The following TRPV3 variants were observed in gnomAD, a reference collection of about 807,000 sequenced individuals.
TRPV3 encodes the protein transient receptor potential cation channel subfamily V member 3.
TRPV3 carries 88 observed loss-of-function variants against 87.1 expected under a neutral mutation model. That is an observed-to-expected ratio of 1.01 (90% CI 0.85 to 1.21). The LOEUF (loss-of-function observed/expected upper bound fraction) is 1.21, where lower values mean the gene tolerates loss of function less well. Among genes scored for constraint, TRPV3 ranks in the 50% most tolerant of loss-of-function variants. The probability of loss-of-function intolerance (pLI) is 0.00; values close to 1 mark genes in which losing one functional copy is unlikely to be tolerated. For missense variants in TRPV3, 1,054 were observed against 1,030.1 expected (o/e 1.02, Z -0.32); for synonymous variants, 438 against 423.3 (o/e 1.03, Z -0.43).
intron 2 of TRPV3, among the ~76,000 whole-genome samples, chr17:3,550,469 G>A (rs996474659): frequency 1.3e-5 from 2 of 151,494 alleles, no homozygotes; most frequent in African/African-American, 2.4e-5. Flanking sequence ...TGGGCTACCC[G>A]GCTGCTTGCT....
Position 3,543,612 on chromosome 17 carries a change from C to T in TRPV3, c.328G>A (p.Glu110Lys). ...PNSPSAQLAK[E>K]EQRRKKRRLK... ...CGCCTCTTTTTCCTCCTCTGCTCTT[C>T]CTTGGCCAGCTGTGCACTGAAGCCA... Residue 110 changes from glutamate (E) to lysine (K), a missense_variant, in exon 5 of 18, where the codon GAA (glutamate) becomes AAA (lysine). Transcript: ENST00000576742. 1.2e-6 allele frequency: 2 copies of T among 1,614,136 alleles called. No individual in the cohort carries two copies. Among genetic ancestry groups the T allele is most frequent in the South Asian group, 2.2e-5 (2 of 91,088 alleles).
chr17:3,525,983 C>G (rs1292461708), intron 12 of TRPV3, among the ~76,000 whole-genome samples: 1 of 152,140 alleles, frequency 6.6e-6, no homozygotes, highest in Admixed American at 6.5e-5. Context: ...CCTACACAGT[C>G]ACATGCAGAC....
Position 3,532,703 on chromosome 17 carries a change from T to C in TRPV3, c.1019A>G (p.Asp340Gly), listed in dbSNP as rs756068775. 3.1e-6 allele frequency: 5 copies of C among 1,614,100 alleles called. No homozygotes were observed. The South Asian group carries it at 4.4e-5, about 14-fold the overall frequency. Residue 340 changes from aspartate to glycine, a missense_variant, in exon 8 of 18, where the codon GAT (aspartate) becomes GGT (glycine). Physicochemically the swap from Asp to Gly is moderately conservative, Grantham distance 94. Coordinates refer to ENST00000576742, the MANE Select transcript of TRPV3 (RefSeq NM_145068.4). ...NWELETTRNN[D>G]GLTPLQLAAK... ...GGCCAGCTGCAGCGGCGTGAGGCCA[T>C]CGTTGTTGCGAGTGGTCTCCAGCTC...
intron 1 of TRPV3, among the ~76,000 whole-genome samples, chr17:3,555,816 G>T (rs915289457): frequency 1.3e-5 from 2 of 152,098 alleles, no homozygotes; most frequent in African/African-American, 4.8e-5. Context: ...GGGAGCTCAT[G>T]GGGACCCTGC....
intron 1 of TRPV3, among the ~76,000 whole-genome samples, chr17:3,555,221 T>G (rs969865513): frequency 2.0e-5 from 3 of 152,108 alleles, no homozygotes; most frequent in African/African-American, 7.2e-5. Context: ...CATGCCCCTG[T>G]CCTCTCTCAT....
Position 3,556,226 on chromosome 17 carries a change from G to A in TRPV3, c.-2-1374C>T, listed in dbSNP as rs1311198591. Among the ~76,000 whole-genome samples the A allele has an allele frequency of 6.6e-6, 1 of 151,174 alleles. No individual in the cohort carries two copies. The highest frequency in any genetic ancestry group is 1.5e-5 in the Non-Finnish European group (1 of 67,726). On this transcript the variant is annotated intron_variant, in intron 1 of 17. Coordinates refer to ENST00000576742, the MANE Select transcript of TRPV3 (RefSeq NM_145068.4). The surrounding 1 kb of genome is among the most constrained non-coding windows in gnomAD (Gnocchi z 4.2). ...TAAAGTTTTTATTAAACATAAAAAA[G>A]GAGCTATGGCTGACCCCTGGGGGCA...
In TRPV3 at chr17:3,530,853, C is replaced by T. The variant is rs540601953; in HGVS notation, c.1066-650G>A. Among the ~76,000 whole-genome samples, 65 of 152,100 alleles carry T rather than the reference C, an allele frequency of 4.3e-4. No homozygotes were observed. Among genetic ancestry groups the T allele is most frequent in the African/African-American group, 1.4e-3 (60 of 41,486 alleles). ...GGTGGATCATTTGAGGTCAGGAGTT[C>T]GAGACCAGCCTGGCCAACATGGTGG... On this transcript the variant is annotated intron_variant, in intron 8 of 17. Coordinates refer to ENST00000576742, the MANE Select transcript of TRPV3 (RefSeq NM_145068.4). The surrounding 1 kb of genome is among the most constrained non-coding windows in gnomAD (Gnocchi z 4.0).
At chr17:3,529,088 C>T in intron 9 of TRPV3, 93 bp from the exon 10 acceptor site, 1 of 1,393,192 alleles carries the variant, frequency 7.2e-7, no homozygotes, top group East Asian at 2.3e-5. Flanking sequence ...GTCAGTGCTG[C>T]AGAAGGGGCC....
At position 3,528,709 on chromosome 17, in the gene TRPV3, G is replaced by T; in HGVS notation, c.1401+128C>A. The T allele has an allele frequency of 8.9e-7, 1 of 1,119,860 alleles. No homozygotes were observed. Among genetic ancestry groups the T allele is most frequent in the African/African-American group, 1.6e-5 (1 of 63,650 alleles). 69.4% of individuals were successfully genotyped at this position (1,119,860 alleles called of 1,614,324 possible). A position where few individuals can be genotyped will look rare whatever the true frequency, so the allele number is the denominator to read the frequency against. Reference sequence around the variant, plus strand: ...ATTCAGTTCCCTGGGAAGCGTGAAGGACAACTGGGGGACCCCGCCCAATCT... The same window carrying T: ...ATTCAGTTCCCTGGGAAGCGTGAAGTACAACTGGGGGACCCCGCCCAATCT... On this transcript the variant is annotated intron_variant, in intron 10 of 17. Coordinates refer to ENST00000576742, the MANE Select transcript of TRPV3 (RefSeq NM_145068.4). The surrounding 1 kb of genome is among the most constrained non-coding windows in gnomAD (Gnocchi z 4.2).
At chr17:3,515,321 G>A (rs761132212) in intron 16 of TRPV3, among the ~76,000 whole-genome samples, 1 of 152,148 alleles carries the variant, frequency 6.6e-6, no homozygotes, top group Non-Finnish European at 1.5e-5. Context: ...TGGTCTGTAG[G>A]CTCAGGCAGT....
intron 2 of TRPV3, among the ~76,000 whole-genome samples, chr17:3,547,741 G>A (rs1362611520): frequency 6.6e-6 from 1 of 152,210 alleles, no homozygotes. Context: ...GGGAGGGGCA[G>A]GGCAAGGGCA....
intron 2 of TRPV3, among the ~76,000 whole-genome samples, chr17:3,547,907 C>T (rs1321988398): frequency 6.6e-6 from 1 of 152,248 alleles, no homozygotes; most frequent in African/African-American, 2.4e-5. Flanking sequence ...CCTTCAGACA[C>T]ACCCACAAAC....
At chr17:3,524,388 G>A (rs374397246) in intron 12 of TRPV3, 25 bp from the exon 13 acceptor site, 122 of 1,612,232 alleles carry the variant, frequency 7.6e-5, no homozygotes, top group Admixed American at 1.3e-4. Flanking sequence ...CAGGAGACAC[G>A]GGCCTTACTT....
chr17:3,555,161 G>A (rs1303197706), intron 1 of TRPV3, among the ~76,000 whole-genome samples: 1 of 151,704 alleles, frequency 6.6e-6, no homozygotes, highest in Non-Finnish European at 1.5e-5. Context: ...GTCCCCAGGT[G>A]GACCCCTGAA....
chr17:3,549,060 C>T (rs187145016), intron 2 of TRPV3, among the ~76,000 whole-genome samples: 240 of 152,294 alleles, frequency 1.6e-3, no homozygotes, highest in Middle Eastern at 3.4e-3. Context: ...ACAGCCTGAC[C>T]TAGAAGCTCC....
intron 7 of TRPV3, among the ~76,000 whole-genome samples, chr17:3,534,776 G>C (rs2074384047): frequency 6.6e-6 from 1 of 152,056 alleles, no homozygotes; most frequent in Non-Finnish European, 1.5e-5. Flanking sequence ...CCCTGGCACA[G>C]AGGTCAGAGC....
intron 13 of TRPV3, among the ~76,000 whole-genome samples, chr17:3,521,570 C>T (rs1352113389): frequency 1.3e-5 from 2 of 152,084 alleles, no homozygotes; most frequent in African/African-American, 4.8e-5. Flanking sequence ...AAAGAAATGG[C>T]AACTATGTGA....
intron 6 of TRPV3, chr17:3,539,470 G>A (rs2150798477): frequency 6.6e-6 from 1 of 152,188 alleles, no homozygotes; most frequent in African/African-American, 2.4e-5. Flanking sequence ...TGGGCAACAT[G>A]GTGAAACCCT....
chr17:3,541,307 G>T (rs1037541378), intron 6 of TRPV3, among the ~76,000 whole-genome samples: 2 of 152,212 alleles, frequency 1.3e-5, no homozygotes, highest in Non-Finnish European at 2.9e-5. Flanking sequence ...GGCAGAGGTT[G>T]CAGTGAGCCA....
Sources: allele counts gnomAD v4.1 joint callset (sites outside exome capture counted in the v4.1 genomes callset), GRCh38; gene constraint gnomAD v4.1.1; non-coding constraint Gnocchi (gnomAD v3.1); transcripts MANE v1.5; gene names NCBI Gene and HGNC (gene_info 2026-07-23, HGNC 2026-07-21).